Variants in TRPM3 observed in about 807,000 individuals in gnomAD.
TRPM3 encodes transient receptor potential cation channel subfamily M member 3, also known as long transient receptor potential channel 3.
A neutral mutation model predicts 181.2 loss-of-function variants in TRPM3; 77 were observed. That is an observed-to-expected ratio of 0.42 (90% CI 0.35 to 0.51). The LOEUF is 0.51. Ranked by LOEUF, TRPM3 falls within the 20% of genes least tolerant of loss-of-function variation. The pLI, the probability that TRPM3 is intolerant of heterozygous loss-of-function variation, is 0.01. For missense variants in TRPM3, 1,759 were observed against 2,196.7 expected (o/e 0.80, Z 3.98); for synonymous variants, 745 against 796.4 (o/e 0.94, Z 1.09).
intron 1 of TRPM3, among the ~76,000 whole-genome samples, chr9:71,248,725 C>T (rs904988136): frequency 3.3e-5 from 5 of 152,040 alleles, no homozygotes; most frequent in South Asian, 2.1e-4. Flanking sequence ...TTTAACAGAG[C>T]CCTGGTGTGT....
chr9:71,382,044 C>T (rs1416210657), intron 1 of TRPM3, among the ~76,000 whole-genome samples: 1 of 152,074 alleles, frequency 6.6e-6, no homozygotes, highest in East Asian at 1.9e-4. Flanking sequence ...GCATGCATGT[C>T]ATTAACACAA....
chr9:71,043,581 G>C (rs1037117593), intron 1 of TRPM3, among the ~76,000 whole-genome samples: 4 of 152,152 alleles, frequency 2.6e-5, no homozygotes, highest in African/African-American at 9.7e-5. Context: ...TAGACCTCTT[G>C]ATTATCATGT....
At chr9:70,584,153 C>G (rs1031214596) in intron 22 of TRPM3, among the ~76,000 whole-genome samples, 5 of 152,112 alleles carry the variant, frequency 3.3e-5, no homozygotes, top group Non-Finnish European at 7.4e-5. Flanking sequence ...GATCCTCCTG[C>G]CTCAGCCTCC....
chr9:71,255,044 C>T (rs11142756), intron 1 of TRPM3, among the ~76,000 whole-genome samples: 82,981 of 151,872 alleles, frequency 0.55, 22,804 homozygotes, highest in African/African-American at 0.6. Context: ...CTTCTCTTAA[C>T]CAGTCCAACT....
intron 25 of TRPM3, among the ~76,000 whole-genome samples, chr9:70,544,456 C>T (rs1319382209): frequency 1.3e-5 from 2 of 152,070 alleles, no homozygotes; most frequent in Non-Finnish European, 2.9e-5. Flanking sequence ...AGGAGATTGA[C>T]ATGCGGGGCC....
In TRPM3 at chr9:70,583,868, T is replaced by A. The variant is rs1239637055; in HGVS notation, c.3223+7163A>T. On this transcript the variant is annotated intron_variant, in intron 22 of 25. Transcript: ENST00000677713. ...GTTACTCTCACCGTACTTCTTTCTA[T>A]CATCTCCTATTCCTACAATGCAAGC... is the stretch of plus-strand genomic sequence containing the variant. Among the ~76,000 whole-genome samples, 3 of 152,320 alleles carry A rather than the reference T, an allele frequency of 2.0e-5. No individual in the cohort carries two copies. The South Asian group carries it at 6.2e-4, about 32-fold the overall frequency.
At chr9:71,328,970 A>G (rs925551247) in intron 1 of TRPM3, among the ~76,000 whole-genome samples, 5 of 152,222 alleles carry the variant, frequency 3.3e-5, no homozygotes, top group Admixed American at 1.3e-4. Context: ...AAAAGTGTAG[A>G]CTTCATTGGA....
chr9:70,809,941 T>C (rs946101409), intron 6 of TRPM3: 1 of 534,412 alleles, frequency 1.9e-6, no homozygotes, highest in Admixed American at 1.9e-5. Context: ...GTTATCCCAA[T>C]GCATTTGATG....
intron 1 of TRPM3, among the ~76,000 whole-genome samples, chr9:70,951,393 G>A (rs1014454970): frequency 6.6e-6 from 1 of 152,136 alleles, no homozygotes; most frequent in Non-Finnish European, 1.5e-5. Flanking sequence ...CTGGGCTGGA[G>A]TGAAGTGGTG....
chr9:70,640,197 T>A (rs973940025), intron 10 of TRPM3, among the ~76,000 whole-genome samples: 2 of 152,144 alleles, frequency 1.3e-5, no homozygotes, highest in African/African-American at 4.8e-5. Flanking sequence ...CTTTGCCCCA[T>A]CAAAGACAAT....
chr9:71,252,447 C>G (rs2082402364), intron 1 of TRPM3, among the ~76,000 whole-genome samples: 1 of 152,132 alleles, frequency 6.6e-6, no homozygotes, highest in African/African-American at 2.4e-5. Context: ...GCTTATGATA[C>G]AAACCGCCTC....
At chr9:71,436,597 C>T (rs2094043677) in intron 1 of TRPM3, among the ~76,000 whole-genome samples, 2 of 152,112 alleles carry the variant, frequency 1.3e-5, no homozygotes, top group Admixed American at 6.5e-5. Flanking sequence ...GCCACCACTC[C>T]CGGCCTAAAC....
chr9:70,700,334 G>GACAGGTTT lies in TRPM3; in HGVS notation c.1273-18764_1273-18757dup, dbSNP rs2072064538. On this transcript the variant is annotated intron_variant, in intron 8 of 25. Transcript: ENST00000677713. ...AAGCCAGGATGATTTGGGGGAAAGT[G>GACAGGTTT]ACAGGTTTATCAAGAGCTTCCATCC... Among the ~76,000 whole-genome samples the GACAGGTTT allele has an allele frequency of 4.6e-5, 7 of 152,112 alleles. No homozygotes were observed. The South Asian group carries it at 1.5e-3, about 32-fold the overall frequency.
intron 1 of TRPM3, among the ~76,000 whole-genome samples, chr9:71,229,494 A>G (rs976388563): frequency 1.3e-5 from 2 of 152,174 alleles, no homozygotes; most frequent in African/African-American, 4.8e-5. Flanking sequence ...TCTTCACAGT[A>G]AAGGAAATAA....
intron 1 of TRPM3, among the ~76,000 whole-genome samples, chr9:71,089,092 A>G (rs988113458): frequency 2.7e-5 from 4 of 147,614 alleles, no homozygotes; most frequent in African/African-American, 9.8e-5. Flanking sequence ...TATGCACCAT[A>G]TATATATTAT....
chr9:71,408,904 T>A (rs2093488863), intron 1 of TRPM3, among the ~76,000 whole-genome samples: 1 of 152,154 alleles, frequency 6.6e-6, no homozygotes, highest in Non-Finnish European at 1.5e-5. Flanking sequence ...GCAGCTGATC[T>A]CTCAGCAGAA....
chr9:70,554,557 C>G (rs1282295073), intron 22 of TRPM3, among the ~76,000 whole-genome samples: 1 of 152,138 alleles, frequency 6.6e-6, no homozygotes, highest in Non-Finnish European at 1.5e-5. Flanking sequence ...CTGGCGAGCT[C>G]TAAAAAATAC....
intron 8 of TRPM3, chr9:70,761,090 A>G (rs2078043348): frequency 4.3e-6 from 1 of 232,518 alleles, no homozygotes; most frequent in Non-Finnish European, 8.3e-6. Flanking sequence ...CCACATTTGT[A>G]AGACATTTTG....
At chr9:71,428,702 C>T (rs1196236213) in intron 1 of TRPM3, among the ~76,000 whole-genome samples, 2 of 152,094 alleles carry the variant, frequency 1.3e-5, no homozygotes, top group African/African-American at 4.8e-5. Flanking sequence ...TGATACTAAT[C>T]TAAAAGACTT....
Sources: allele counts gnomAD v4.1 joint callset (sites outside exome capture counted in the v4.1 genomes callset), GRCh38; gene constraint gnomAD v4.1.1; transcripts MANE v1.5; gene names NCBI Gene and HGNC (gene_info 2026-07-23, HGNC 2026-07-21).